Variants in HERC6 observed in about 807,000 individuals in gnomAD.
HERC6 encodes HECT and RLD domain containing E3 ubiquitin protein ligase family member 6, also known as probable E3 ubiquitin-protein ligase HERC6.
Under a neutral mutation model 114.5 loss-of-function variants are expected in HERC6, and 101 were observed. The observed-to-expected ratio is 0.88, with a 90% CI of 0.75 to 1.04. The LOEUF is 1.04. Among genes scored for constraint, HERC6 ranks in the 50% least tolerant of loss-of-function variants. The pLI, the probability that HERC6 is intolerant of heterozygous loss-of-function variation, is 0.00. For missense variants in HERC6, 1,133 were observed against 1,230.9 expected (o/e 0.92, Z 1.19); for synonymous variants, 408 against 436.2 (o/e 0.94, Z 0.81).
At chr4:88,408,714 C>T (rs901228839) in intron 11 of HERC6, 97 bp downstream of exon 11, 10 of 820,330 alleles carry the variant, frequency 1.2e-5, no homozygotes, top group African/African-American at 6.8e-5. Context: ...TGTAATTGCC[C>T]GATGAGTTCT....
At chr4:88,432,204 G>A (rs149465572) in intron 17 of HERC6, among the ~76,000 whole-genome samples, 298 of 152,214 alleles carry the variant, frequency 2.0e-3, no homozygotes, top group African/African-American at 6.7e-3. Context: ...CAGGCTATGT[G>A]TATAAGGTGT....
chr4:88,380,408 TATATAAATATATATATATAC>T (rs1427526630), intron 1 of HERC6, among the ~76,000 whole-genome samples: 14 of 76,242 alleles, frequency 1.8e-4, no homozygotes, highest in African/African-American at 8.1e-4. Flanking sequence ...ATATATATAA[TATATAAATATATATATATAC>T]ACATAATAGG....
intron 11 of HERC6, among the ~76,000 whole-genome samples, chr4:88,408,953 T>C (rs1324374280): frequency 3.3e-5 from 5 of 152,034 alleles, no homozygotes; most frequent in South Asian, 4.1e-4. Flanking sequence ...GATGAAATCA[T>C]AGGGAATAGA....
At chr4:88,418,262 C>G (rs1444710392) in intron 13 of HERC6, among the ~76,000 whole-genome samples, 1 of 152,078 alleles carries the variant, frequency 6.6e-6, no homozygotes, top group Non-Finnish European at 1.5e-5. Flanking sequence ...ACTCACCAAG[C>G]TGCACATTTA....
chr4:88,397,017 G>A (rs1560540077), intron 7 of HERC6, 30 bp downstream of exon 7: 1 of 1,591,828 alleles, frequency 6.3e-7, no homozygotes. Context: ...ATGATTTTGT[G>A]TTCATCAATG....
At chr4:88,389,362 T>C (rs1734772899) in intron 3 of HERC6, among the ~76,000 whole-genome samples, 2 of 152,126 alleles carry the variant, frequency 1.3e-5, no homozygotes, top group African/African-American at 4.8e-5. Flanking sequence ...ACTCTGGCTA[T>C]TCTTTGGAGA....
chr4:88,386,216 T>A (rs1381235345), intron 3 of HERC6, among the ~76,000 whole-genome samples: 1 of 146,166 alleles, frequency 6.8e-6, no homozygotes, highest in Non-Finnish European at 1.5e-5. Context: ...TTTTTTTTTT[T>A]CTTTTTTGAG....
At chr4:88,383,441 T>G in intron 2 of HERC6, 61 bp downstream of exon 2, 4 of 1,284,854 alleles carry the variant, frequency 3.1e-6, no homozygotes, top group Middle Eastern at 2.2e-4. Flanking sequence ...TGCCAGGCAC[T>G]GTGCAAGATG....
chr4:88,397,143 G>GCTCTTGTTGCC (rs1560540140), intron 7 of HERC6, among the ~76,000 whole-genome samples, 156 bp downstream of exon 7: 1 of 150,880 alleles, frequency 6.6e-6, no homozygotes, highest in African/African-American at 2.4e-5. Flanking sequence ...ATGGAGTTTC[G>GCTCTTGTTGCC]CTCTTGTTGC....
rs1029115513 is a variant in HERC6, at chr4:88,390,825, G to T, written c.610G>T (p.Gly204Cys). 4 of 1,614,020 alleles carry T rather than the reference G, an allele frequency of 2.5e-6. No individual in the cohort carries two copies. In the African/African-American group the frequency reaches 4.0e-5, roughly 16 times the overall value. Reference protein sequence around the residue: ...FALSLCGTSFGWGSNSAGQLA... With the variant: ...FALSLCGTSFCWGSNSAGQLA... ...CCTGTCTCTCTGTGGGACTTCGTTT[G>T]GCTGGGGAAGTAACAGTGCCGGGCA... Residue 204 changes from glycine (G) to cysteine (C), a missense_variant, in exon 4 of 23, where the codon GGC (glycine) becomes TGC (cysteine). Physicochemically the swap from Gly to Cys is radical, Grantham distance 159 (BLOSUM62 -3). Transcript: ENST00000264346.
chr4:88,397,519 G>A (rs1392407605), intron 7 of HERC6, among the ~76,000 whole-genome samples: 1 of 151,834 alleles, frequency 6.6e-6, no homozygotes. Flanking sequence ...CCAACAGGGT[G>A]AAACCCGTCT....
Position 88,423,964 on chromosome 4 carries a change from TA to T in HERC6, c.1820del (p.Asn607ThrfsTer3), listed in dbSNP as rs1192655067. On this transcript the variant is annotated frameshift_variant, in exon 14 of 23. Transcript: ENST00000264346. LOFTEE classifies it high-confidence loss of function. ...ATAGAGGAAGACAGCTCTTTCGGGA[TA>T]ACCACCTGGTAAGAATAACATTTTT... ...IDRGRQLFRD[N>X]HLIPAETPSP... 5 of 1,444,664 alleles carry T rather than the reference TA, an allele frequency of 3.5e-6. No homozygotes were observed. In the African/African-American group the frequency reaches 7.2e-5, roughly 21 times the overall value. 89.5% of individuals were successfully genotyped at this position (1,444,664 alleles called of 1,614,324 possible).
intron 4 of HERC6, among the ~76,000 whole-genome samples, 164 bp downstream of exon 4, chr4:88,391,043 A>G (rs1734895182): frequency 6.6e-6 from 1 of 152,224 alleles, no homozygotes; most frequent in African/African-American, 2.4e-5. Flanking sequence ...GCGGTAACAA[A>G]TCATCTCAAA....
intron 22 of HERC6, among the ~76,000 whole-genome samples, chr4:88,441,280 A>G (rs1739326251): frequency 1.3e-5 from 2 of 152,246 alleles, no homozygotes; most frequent in African/African-American, 4.8e-5. Flanking sequence ...TAGCAGCAGC[A>G]GCATTTACTG....
At chr4:88,393,158 T>C (rs17014114) in intron 4 of HERC6, among the ~76,000 whole-genome samples, 14,833 of 152,224 alleles carry the variant, frequency 0.097, 882 homozygotes, top group East Asian at 0.23. Flanking sequence ...ATTAGATAGC[T>C]TCCAGAAATA....
At chr4:88,413,297 C>T (rs1259194843) in intron 12 of HERC6, 31 bp downstream of exon 12, 17 of 1,517,702 alleles carry the variant, frequency 1.1e-5, no homozygotes, top group Non-Finnish European at 1.4e-5. Context: ...TCTGTACTCT[C>T]AATATAGAGT....
intron 4 of HERC6, among the ~76,000 whole-genome samples, chr4:88,392,228 G>C (rs1734961076): frequency 1.3e-5 from 2 of 148,576 alleles, no homozygotes; most frequent in Non-Finnish European, 3.0e-5. Flanking sequence ...GCCCAGGCTG[G>C]AGTGCAGTGG....
chr4:88,428,835 C>T, intron 16 of HERC6, 85 bp downstream of exon 16: 1 of 1,117,400 alleles, frequency 8.9e-7, no homozygotes, highest in Non-Finnish European at 1.2e-6. Context: ...CTGAAAAGAG[C>T]CTGCATTTGC....
chr4:88,442,121 T>C (rs1327105251), intron 22 of HERC6, 113 bp from the exon 23 acceptor site: 3 of 779,086 alleles, frequency 3.9e-6, no homozygotes, highest in East Asian at 5.3e-5. Context: ...GACAGTTCTC[T>C]CTGCCTAAGG....
Sources: gnomAD v4.1 joint callset for allele counts (sites outside exome capture counted in the v4.1 genomes callset) on GRCh38, gnomAD v4.1.1 for gene constraint, MANE v1.5 for transcripts, NCBI Gene and HGNC (gene_info 2026-07-23, HGNC 2026-07-21) for gene names.